The following CFAP299 variants were observed in gnomAD, a reference collection of about 807,000 sequenced individuals.
CFAP299 encodes the protein cilia- and flagella-associated protein 299.
Under a neutral mutation model 27.0 loss-of-function variants are expected in CFAP299, and 21 were observed. The observed-to-expected ratio is 0.78, with a 90% CI of 0.55 to 1.12. The LOEUF (loss-of-function observed/expected upper bound fraction) is 1.12, where lower values mean the gene tolerates loss of function less well. Among genes scored for constraint, CFAP299 ranks in the 50% most tolerant of loss-of-function variants. The probability of loss-of-function intolerance (pLI) is 0.00; values close to 1 mark genes in which losing one functional copy is unlikely to be tolerated. For synonymous variants in CFAP299, 104 were observed against 98.1 expected (o/e 1.06, Z -0.36); for missense variants, 310 against 276.6 (o/e 1.12, Z -0.86).
intron 3 of CFAP299, among the ~76,000 whole-genome samples, chr4:80,778,108 G>T (rs754813068): frequency 6.6e-6 from 1 of 152,044 alleles, no homozygotes; most frequent in Non-Finnish European, 1.5e-5. Flanking sequence ...TCAGAGACAT[G>T]AAAAGTCAGA....
At chr4:80,770,606 A>G (rs1023398218) in intron 3 of CFAP299, among the ~76,000 whole-genome samples, 1 of 152,224 alleles carries the variant, frequency 6.6e-6, no homozygotes, top group African/African-American at 2.4e-5. Flanking sequence ...AGTTTTTAAA[A>G]TCTGCTAATA....
intron 4 of CFAP299, among the ~76,000 whole-genome samples, chr4:80,943,021 G>A (rs543387773): frequency 1.3e-5 from 2 of 152,258 alleles, no homozygotes; most frequent in South Asian, 4.1e-4. Flanking sequence ...CACTCCACTG[G>A]GGGGCTGAGC....
chr4:80,628,610 G>A (rs193196690), intron 3 of CFAP299, among the ~76,000 whole-genome samples: 4 of 152,090 alleles, frequency 2.6e-5, no homozygotes, highest in Admixed American at 2.0e-4. Flanking sequence ...TCCAAAATAC[G>A]TAAGAAATTC....
intron 5 of CFAP299, among the ~76,000 whole-genome samples, chr4:80,951,305 T>C (rs938370732): frequency 6.6e-6 from 1 of 152,190 alleles, no homozygotes; most frequent in African/African-American, 2.4e-5. Context: ...TAAAACTTTC[T>C]GGATCCATGC....
upstream of CFAP299, among the ~76,000 whole-genome samples, chr4:80,331,309 C>T (rs527538433): frequency 3.3e-5 from 5 of 151,898 alleles, no homozygotes; most frequent in Non-Finnish European, 7.4e-5. Flanking sequence ...GTCAAAAAGA[C>T]AAAACAAAAC....
At chr4:80,850,233 G>A (rs991273699) in intron 3 of CFAP299, among the ~76,000 whole-genome samples, 20 of 151,946 alleles carry the variant, frequency 1.3e-4, no homozygotes, top group Non-Finnish European at 2.9e-4. Context: ...GGCGGTGGGG[G>A]GGGTGATAAA....
Position 80,687,813 on chromosome 4 carries a change from G to A in CFAP299, c.333+104630G>A, listed in dbSNP as rs748284433. Among the ~76,000 whole-genome samples the A allele has an allele frequency of 1.4e-3, 212 of 152,278 alleles. 1 individual carries two copies. The highest frequency in any genetic ancestry group is 5.7e-4 in the Non-Finnish European group (39 of 68,018). On this transcript the variant is annotated intron_variant, in intron 3 of 5. Coordinates refer to ENST00000358105, the MANE Select transcript of CFAP299 (RefSeq NM_152770.3). Reference sequence around the variant, plus strand: ...CACTAGGGAGTGTCAGACAGTGGGCGCAGGTCAGTGGGTGCGCGCACCGTG... The same window carrying A: ...CACTAGGGAGTGTCAGACAGTGGGCACAGGTCAGTGGGTGCGCGCACCGTG...
In CFAP299 at chr4:80,400,551, C is replaced by T. The variant is rs1029567530; in HGVS notation, c.242+37667C>T. 2.0e-5 allele frequency among the ~76,000 whole-genome samples: 3 copies of T among 152,140 alleles called. No individual in the cohort carries two copies. The South Asian group carries it at 6.2e-4, about 32-fold the overall frequency. On this transcript the variant is annotated intron_variant, in intron 2 of 5. Transcript: ENST00000358105. Reference sequence around the variant, plus strand: ...TCTGTTTTTGCTTCTTCCTCATTTTCTCTTGCTACCGCCATGTAAGAAGTG... The same window carrying T: ...TCTGTTTTTGCTTCTTCCTCATTTTTTCTTGCTACCGCCATGTAAGAAGTG...
intron 2 of CFAP299, chr4:80,388,180 G>C: frequency 1.5e-6 from 1 of 687,758 alleles, no homozygotes; most frequent in Non-Finnish European, 2.7e-6. Context: ...GTGGAGGAGG[G>C]GGTGAAGGCT....
At chr4:80,950,259 C>CCCG (rs1560489799) in intron 5 of CFAP299, among the ~76,000 whole-genome samples, 1 of 151,614 alleles carries the variant, frequency 6.6e-6, no homozygotes, top group Admixed American at 6.6e-5. Flanking sequence ...CTCCACCCCC[C>CCCG]CCCTTTCTCA....
intron 2 of CFAP299, among the ~76,000 whole-genome samples, chr4:80,502,880 C>T (rs575405330): frequency 6.6e-6 from 1 of 152,180 alleles, no homozygotes; most frequent in South Asian, 2.1e-4. Context: ...TACCCATGAA[C>T]ATAATTGCAA....
At chr4:80,762,768 A>C (rs1365630696) in intron 3 of CFAP299, among the ~76,000 whole-genome samples, 1 of 152,078 alleles carries the variant, frequency 6.6e-6, no homozygotes, top group African/African-American at 2.4e-5. Flanking sequence ...TGTGTCACCA[A>C]AGCCACACTA....
chr4:80,866,255 A>C (rs920475226), intron 3 of CFAP299, among the ~76,000 whole-genome samples: 1 of 151,200 alleles, frequency 6.6e-6, no homozygotes, highest in Non-Finnish European at 1.5e-5. Flanking sequence ...TTAATTGGGC[A>C]TTTTCTGGTT....
intron 3 of CFAP299, among the ~76,000 whole-genome samples, chr4:80,653,259 C>A (rs934864273): frequency 6.6e-6 from 1 of 152,128 alleles, no homozygotes. Context: ...TCAGGTAAGG[C>A]ACACAGGAGA....
intron 4 of CFAP299, among the ~76,000 whole-genome samples, chr4:80,943,676 T>C (rs1560486810): frequency 6.6e-6 from 1 of 152,144 alleles, no homozygotes; most frequent in African/African-American, 2.4e-5. Flanking sequence ...GTAAATATAT[T>C]GAGGATTCTT....
At chr4:80,529,702 T>G (rs1407001982) in intron 2 of CFAP299, among the ~76,000 whole-genome samples, 1 of 152,190 alleles carries the variant, frequency 6.6e-6, no homozygotes, top group Non-Finnish European at 1.5e-5. Context: ...AGCTGAAGAT[T>G]CCTTGCTCAG....
intron 3 of CFAP299, among the ~76,000 whole-genome samples, chr4:80,729,369 A>T (rs1404985053): frequency 6.6e-6 from 1 of 152,132 alleles, no homozygotes; most frequent in Non-Finnish European, 1.5e-5. Flanking sequence ...CACTTAGGTC[A>T]TCCTGTTCCC....
chr4:80,473,951 A>T (rs2867736), intron 2 of CFAP299, among the ~76,000 whole-genome samples: 63,369 of 152,028 alleles, frequency 0.42, 15,258 homozygotes, highest in African/African-American at 0.67. Context: ...AAACTTTTAC[A>T]GTCACATAAT....
chr4:80,703,154 A>G (rs1450027952), intron 3 of CFAP299, among the ~76,000 whole-genome samples: 1 of 151,790 alleles, frequency 6.6e-6, no homozygotes, highest in Non-Finnish European at 1.5e-5. Flanking sequence ...GGTAACATCT[A>G]TAGTTCTCTT....
Sources: allele counts gnomAD v4.1 joint callset (sites outside exome capture counted in the v4.1 genomes callset), GRCh38; gene constraint gnomAD v4.1.1; transcripts MANE v1.5; gene names NCBI Gene and HGNC (gene_info 2026-07-23, HGNC 2026-07-21).